The following RPH3A variants were observed in gnomAD, a reference collection of about 807,000 sequenced individuals.
The protein encoded by RPH3A is rabphilin 3A, also known as rabphilin-3A.
A neutral mutation model predicts 102.2 loss-of-function variants in RPH3A; 48 were observed. The ratio of observed to expected loss-of-function variants is 0.47; its 90% CI spans 0.37 to 0.60. The LOEUF (loss-of-function observed/expected upper bound fraction) is 0.60. Ranked by LOEUF, RPH3A falls within the 20% of genes least tolerant of loss-of-function variation. RPH3A has a pLI of 0.00. For synonymous variants in RPH3A, 310 were observed against 324.3 expected (o/e 0.96, Z 0.47); for missense variants, 781 against 910.1 (o/e 0.86, Z 1.83).
At chr12:112,616,437 G>A (rs781491333) in intron 1 of RPH3A, among the ~76,000 whole-genome samples, 41 of 152,160 alleles carry the variant, frequency 2.7e-4, no homozygotes, top group Non-Finnish European at 4.3e-4. Context: ...GTGAGCCACC[G>A]CGCGCAGTCT....
chr12:112,621,693 G>C (rs1342310662), intron 1 of RPH3A, among the ~76,000 whole-genome samples: 2 of 152,006 alleles, frequency 1.3e-5, no homozygotes, highest in Non-Finnish European at 2.9e-5. Context: ...GCTCGAACTG[G>C]GTGGAGCCCA....
chr12:112,822,322 G>A (rs561358531), intron 2 of RPH3A, among the ~76,000 whole-genome samples: 248 of 152,340 alleles, frequency 1.6e-3, no homozygotes, highest in African/African-American at 5.4e-3. Flanking sequence ...AGCTCCTGCC[G>A]GTTCCCTGCA....
rs568073858 is a variant in RPH3A at position 112,768,475 on chromosome 12, G to A, written c.-139-23668G>A. ...TGCTCCTCACACCTATGCCAGGCAC[G>A]TCTCTGCCTCAGGGCCTTTGCACTT... On this transcript the variant is annotated intron_variant, in intron 1 of 21. Transcript: ENST00000543106. Among the ~76,000 whole-genome samples, 13 of 152,320 alleles carry A rather than the reference G, an allele frequency of 8.5e-5. No individual in the cohort carries two copies. In the South Asian group the frequency reaches 2.5e-3, roughly 29 times the overall value.
chr12:112,823,658 T>C (rs960199256), intron 2 of RPH3A, among the ~76,000 whole-genome samples: 1 of 152,188 alleles, frequency 6.6e-6, no homozygotes, highest in Admixed American at 6.5e-5. Context: ...GACACTTACA[T>C]TTATACTTTT....
chr12:112,800,928 A>G (rs1001771075), intron 2 of RPH3A, among the ~76,000 whole-genome samples: 1 of 152,136 alleles, frequency 6.6e-6, no homozygotes, highest in African/African-American at 2.4e-5. Flanking sequence ...ACGCTAGCTA[A>G]AATGCACGGT....
At position 112,888,928 on chromosome 12, in the gene RPH3A, G is replaced by C. The variant is rs555860061; in HGVS notation, c.1563+1005G>C. On this transcript the variant is annotated intron_variant, in intron 17 of 21. Coordinates refer to ENST00000389385, the MANE Select transcript of RPH3A (RefSeq NM_001143854.2). ...GGCCAACTTGGGCCCAGAAAGGGTAGCAAGTCTCCAAGGTCTCTGGGCACT... is the reference window on the plus strand; with the variant it reads ...GGCCAACTTGGGCCCAGAAAGGGTACCAAGTCTCCAAGGTCTCTGGGCACT... Among the ~76,000 whole-genome samples the C allele has an allele frequency of 3.3e-5, 5 of 152,340 alleles. No homozygotes were observed. In the South Asian group the frequency reaches 1.0e-3, roughly 32 times the overall value.
chr12:112,670,764 C>T (rs1156486563), intron 1 of RPH3A, among the ~76,000 whole-genome samples: 2 of 152,166 alleles, frequency 1.3e-5, no homozygotes, highest in African/African-American at 4.8e-5. Context: ...TTCTCAGTGA[C>T]AGTTCTCAAG....
At chr12:112,875,558 C>T in intron 11 of RPH3A, 121 bp from the exon 12 acceptor site, 1 of 800,024 alleles carries the variant, frequency 1.2e-6, no homozygotes. Flanking sequence ...TTTCTGCAGC[C>T]TCGGGTACCT....
chr12:112,811,283 A>G (rs1328399300), intron 2 of RPH3A, among the ~76,000 whole-genome samples: 4 of 152,164 alleles, frequency 2.6e-5, no homozygotes, highest in Non-Finnish European at 5.9e-5. Context: ...TTCTGTGTAA[A>G]GACACCTCAT....
chr12:112,855,909 G>A (rs541313949), intron 5 of RPH3A, among the ~76,000 whole-genome samples: 7 of 152,142 alleles, frequency 4.6e-5, no homozygotes, highest in East Asian at 1.9e-4. Flanking sequence ...GAGAGAGAGA[G>A]AAAGACAGAA....
chr12:112,867,175 T>C (rs1356201289), intron 7 of RPH3A, among the ~76,000 whole-genome samples: 1 of 152,092 alleles, frequency 6.6e-6, no homozygotes, highest in Non-Finnish European at 1.5e-5. Flanking sequence ...CCTCACACTC[T>C]CCTCTTGTTT....
At chr12:112,842,872 T>G (rs1189220943) in intron 4 of RPH3A, among the ~76,000 whole-genome samples, 3 of 152,156 alleles carry the variant, frequency 2.0e-5, no homozygotes, top group Non-Finnish European at 4.4e-5. Flanking sequence ...CCTATTAACA[T>G]TCTCAATTAA....
chr12:112,841,661 T>G (rs2042146792), intron 4 of RPH3A, among the ~76,000 whole-genome samples: 1 of 152,078 alleles, frequency 6.6e-6, no homozygotes, highest in South Asian at 2.1e-4. Flanking sequence ...AGGGTTTGAA[T>G]GCAGATTGAT....
intron 1 of RPH3A, among the ~76,000 whole-genome samples, chr12:112,780,523 T>C (rs964037874): frequency 6.6e-6 from 1 of 152,230 alleles, no homozygotes; most frequent in African/African-American, 2.4e-5. Context: ...AACGTAATCT[T>C]GCAAACTAGA....
At chr12:112,696,894 G>C (rs1267104598) in intron 1 of RPH3A, among the ~76,000 whole-genome samples, 2 of 151,642 alleles carry the variant, frequency 1.3e-5, no homozygotes, top group Non-Finnish European at 2.9e-5. Flanking sequence ...ATATGCTTTG[G>C]TCTTGTTTTC....
At chr12:112,703,951 T>G (rs1445330140) in intron 1 of RPH3A, among the ~76,000 whole-genome samples, 1 of 144,358 alleles carries the variant, frequency 6.9e-6, no homozygotes, top group African/African-American at 2.5e-5. Context: ...AAATTGAATT[T>G]AAATCTCATC....
intron 1 of RPH3A, among the ~76,000 whole-genome samples, chr12:112,582,377 A>T (rs926936824): frequency 6.8e-6 from 1 of 146,984 alleles, no homozygotes; most frequent in African/African-American, 2.5e-5. Flanking sequence ...TGCCAAAGTG[A>T]TAGGATTATA....
At chr12:112,869,177 T>C (rs2136225752) in intron 8 of RPH3A, 1 of 153,636 alleles carries the variant, frequency 6.5e-6, no homozygotes, top group African/African-American at 2.4e-5. Flanking sequence ...TACATTTTAG[T>C]TGGACTAGAC....
At chr12:112,800,397 C>T (rs2041319659) in intron 2 of RPH3A, among the ~76,000 whole-genome samples, 1 of 152,006 alleles carries the variant, frequency 6.6e-6, no homozygotes, top group Non-Finnish European at 1.5e-5. Flanking sequence ...GTGATGGGGA[C>T]AAAGGGAGAC....
Sources: allele counts gnomAD v4.1 joint callset (sites outside exome capture counted in the v4.1 genomes callset), GRCh38; gene constraint gnomAD v4.1.1; transcripts MANE v1.5; gene names NCBI Gene and HGNC (gene_info 2026-07-23, HGNC 2026-07-21).